Variants in CALHM4 observed in about 807,000 individuals in gnomAD.
CALHM4 encodes calcium homeostasis modulator protein 4.
Under a neutral mutation model 13.3 loss-of-function variants are expected in CALHM4, and 16 were observed. The observed-to-expected ratio is 1.20, with a 90% CI of 0.81 to 1.82. CALHM4 has a LOEUF of 1.82. Among genes scored for constraint, CALHM4 ranks in the 40% most tolerant of loss-of-function variants. The pLI is 0.00. For synonymous variants in CALHM4, 127 were observed against 137.1 expected (o/e 0.93, Z 0.52); for missense variants, 344 against 374.9 (o/e 0.92, Z 0.68).
At chr6:116,537,777 TC>T (rs1395454267) in intron 1 of CALHM4, among the ~76,000 whole-genome samples, 1 of 152,198 alleles carries the variant, frequency 6.6e-6, no homozygotes, top group Non-Finnish European at 1.5e-5. Flanking sequence ...CTGCTTTGAT[TC>T]CTTCTTTCTC....
chr6:116,559,732 A>T lies in CALHM4; in HGVS notation c.*1521A>T, dbSNP rs1774502543. 2.0e-5 allele frequency among the ~76,000 whole-genome samples: 3 copies of T among 152,178 alleles called. No individual in the cohort carries two copies. In the South Asian group the frequency reaches 6.2e-4, roughly 31 times the overall value. ...CTCTTGGAAGAAAATAACTGAACTA[A>T]ATAACTGCTTAAGGTCTCTTTTACA... On this transcript the variant is annotated 3_prime_UTR_variant, in exon 2 of 2. Transcript: ENST00000368596.
intron 1 of CALHM4, among the ~76,000 whole-genome samples, chr6:116,538,734 C>CT (rs531255700): frequency 0.013 from 1,814 of 141,098 alleles, 29 homozygotes; most frequent in Admixed American, 0.028. Context: ...ATCTTTCTTT[C>CT]TTTTTTTTTT....
At chr6:116,530,040 T>C (rs561158213) in intron 1 of CALHM4, among the ~76,000 whole-genome samples, 4 of 152,158 alleles carry the variant, frequency 2.6e-5, no homozygotes, top group Non-Finnish European at 4.4e-5. Context: ...AATTCAAGTG[T>C]TGTGCATCAT....
chr6:116,535,938 T>A (rs1773054093), intron 1 of CALHM4, among the ~76,000 whole-genome samples: 2 of 152,172 alleles, frequency 1.3e-5, no homozygotes, highest in Non-Finnish European at 2.9e-5. Context: ...GGGCTAATGA[T>A]AGATGATAGA....
At chr6:116,550,006 ATATATATATATAT>A (rs1187922416), upstream of CALHM4, among the ~76,000 whole-genome samples, 105 of 139,156 alleles carry the variant, frequency 7.5e-4, 1 homozygote, top group African/African-American at 2.8e-3. Context: ...ATATATATAT[ATATATATATATAT>A]ATATATACAC....
chr6:116,560,664 G>C lies in CALHM4; in HGVS notation c.*2453G>C, dbSNP rs1281571110. On this transcript the variant is annotated 3_prime_UTR_variant, in exon 2 of 2. Coordinates refer to ENST00000368596, the MANE Select transcript of CALHM4 (RefSeq NM_001366078.2). ...TTTTAGTATTTTGGGGGGGGGGGGGGCTATGGTCTATAGCATTTTTTTGCT... is the reference window on the plus strand; with the variant it reads ...TTTTAGTATTTTGGGGGGGGGGGGGCCTATGGTCTATAGCATTTTTTTGCT... 5.7e-5 allele frequency among the ~76,000 whole-genome samples: 6 copies of C among 104,940 alleles called. No individual in the cohort carries two copies. Among genetic ancestry groups the C allele is most frequent in the African/African-American group, 1.1e-4 (3 of 27,084 alleles). The allele number at this position is 104,940 out of a possible 152,430, so 68.8% of individuals were successfully genotyped here.
At chr6:116,543,650 G>A (rs1309554980) in intron 1 of CALHM4, 4 of 682,744 alleles carry the variant, frequency 5.9e-6, no homozygotes, top group East Asian at 2.7e-5. Context: ...ATCTTTCTAT[G>A]CATTTGCTTA....
At chr6:116,546,581 C>T (rs1052412451) in intron 2 of CALHM4, among the ~76,000 whole-genome samples, 1 of 152,190 alleles carries the variant, frequency 6.6e-6, no homozygotes, top group Non-Finnish European at 1.5e-5. Context: ...TGCAGCCCTA[C>T]CATTTACTGG....
At chr6:116,533,017 G>T (rs1201151896) in intron 1 of CALHM4, among the ~76,000 whole-genome samples, 1 of 152,160 alleles carries the variant, frequency 6.6e-6, no homozygotes, top group African/African-American at 2.4e-5. Context: ...AGACCCACTG[G>T]CAGGCTTTAA....
chr6:116,549,532 T>C (rs1773956054), upstream of CALHM4, among the ~76,000 whole-genome samples: 1 of 152,086 alleles, frequency 6.6e-6, no homozygotes, highest in Non-Finnish European at 1.5e-5. Flanking sequence ...TTTCAAGACC[T>C]CTTTTCTAGC....
rs1443713424 is a variant in CALHM4 at position 116,559,665 on chromosome 6, A to AT, written c.*1461dup. ...ATCAGTCCATCTCTCTGGACCCTGGATTTTTTTCATCTATACAATAAAAGG... is the reference window on the plus strand; with the variant it reads ...ATCAGTCCATCTCTCTGGACCCTGGATTTTTTTTCATCTATACAATAAAAGG... On this transcript the variant is annotated 3_prime_UTR_variant, in exon 2 of 2. Transcript: ENST00000368596. Among the ~76,000 whole-genome samples, 1 of 152,020 alleles carries AT rather than the reference A, an allele frequency of 6.6e-6. No homozygotes were observed. The highest frequency in any genetic ancestry group is 1.5e-5 in the Non-Finnish European group (1 of 67,990).
At chr6:116,544,254 C>G (rs1428226815) in intron 2 of CALHM4, among the ~76,000 whole-genome samples, 1 of 151,684 alleles carries the variant, frequency 6.6e-6, no homozygotes, top group Non-Finnish European at 1.5e-5. Flanking sequence ...AAATCATACC[C>G]TACCTACATG....
chr6:116,530,652 A>G (rs542465343), intron 1 of CALHM4, among the ~76,000 whole-genome samples: 3 of 152,174 alleles, frequency 2.0e-5, no homozygotes, highest in East Asian at 3.9e-4. Flanking sequence ...TGCATTAACA[A>G]TGTGGTTTCA....
chr6:116,556,275 T>C (rs1774312169), intron 1 of CALHM4, among the ~76,000 whole-genome samples: 1 of 152,218 alleles, frequency 6.6e-6, no homozygotes, highest in Admixed American at 6.5e-5. Context: ...ACTATCCCAT[T>C]GTACCATATT....
intron 1 of CALHM4, among the ~76,000 whole-genome samples, chr6:116,556,845 G>GTCA (rs1415813685): frequency 6.6e-6 from 1 of 151,906 alleles, no homozygotes; most frequent in Non-Finnish European, 1.5e-5. Flanking sequence ...AATGAGACTG[G>GTCA]TCAGCAAATG....
Position 116,554,058 on chromosome 6 carries a change from T to C in CALHM4, c.265T>C (p.Tyr89His), listed in dbSNP as rs1216566738. The C allele has an allele frequency of 6.4e-7, 1 of 1,550,692 alleles. No homozygotes were observed. Among genetic ancestry groups the C allele is most frequent in the African/African-American group, 1.4e-5 (1 of 73,174 alleles). ...ATACTGCTGCAGCTGTGCCCCTCCA[T>C]ACAGGAGAATCAGCCCCCTAGAGTG... The part of the protein sequence containing the change: ...GEYCCSCAPP[Y>H]RRISPLECKL... Residue 89 changes from tyrosine to histidine, a missense_variant, in exon 1 of 2, where the codon TAC becomes CAC. Transcript: ENST00000368596.
At position 116,553,985 on chromosome 6, in the gene CALHM4, C is replaced by T; in HGVS notation, c.192C>T (p.Leu64=). 1.3e-6 allele frequency: 2 copies of T among 1,550,660 alleles called. No homozygotes were observed. The highest frequency in any genetic ancestry group is 1.7e-4 in the Middle Eastern group (1 of 5,992). ...TTGTCATTCCTGCCTTGATCCTTCTCGTTGCTGGCTTTGCTCTGAGAAGCC... is the reference window on the plus strand; with the variant it reads ...TTGTCATTCCTGCCTTGATCCTTCTTGTTGCTGGCTTTGCTCTGAGAAGCC... ...AFLVIPALIL[L]VAGFALRSQM... The change falls in exon 1 of 2, where the codon CTC becomes CTT. Residue 64 remains leucine, a synonymous_variant. Coordinates refer to ENST00000368596, the MANE Select transcript of CALHM4 (RefSeq NM_001366078.2).
At chr6:116,537,713 G>C (rs1039169476) in intron 1 of CALHM4, among the ~76,000 whole-genome samples, 1 of 152,140 alleles carries the variant, frequency 6.6e-6, no homozygotes, top group Non-Finnish European at 1.5e-5. Flanking sequence ...AGGAGCATTC[G>C]CAGGCTACCT....
rs2115309365 is a variant in CALHM4, at chr6:116,560,555, C to T, written c.*2344C>T. Among the ~76,000 whole-genome samples, 1 of 149,610 alleles carries T rather than the reference C, an allele frequency of 6.7e-6. No individual in the cohort carries two copies. The highest frequency in any genetic ancestry group is 2.0e-4 in the East Asian group (1 of 5,108). On this transcript the variant is annotated 3_prime_UTR_variant, in exon 2 of 2. Coordinates refer to ENST00000368596, the MANE Select transcript of CALHM4 (RefSeq NM_001366078.2). The stretch of plus-strand genomic sequence containing the variant: ...ATGGCTTCAGAATGATTTATAGCAT[C>T]TATGTGAACATTTAAAAGGTAGTAC...
Sources: allele counts gnomAD v4.1 joint callset (sites outside exome capture counted in the v4.1 genomes callset), GRCh38; gene constraint gnomAD v4.1.1; transcripts MANE v1.5; gene names NCBI Gene and HGNC (gene_info 2026-07-23, HGNC 2026-07-21).